The following ANKS1B variants were observed in gnomAD, a reference collection of about 807,000 sequenced individuals.
ANKS1B encodes the protein ankyrin repeat and sterile alpha motif domain containing 1B.
Under a neutral mutation model 148.3 loss-of-function variants are expected in ANKS1B, and 36 were observed. The observed-to-expected ratio is 0.24, with a 90% CI of 0.19 to 0.32. The LOEUF is 0.32. Ranked by LOEUF, ANKS1B falls within the 10% of genes least tolerant of loss-of-function variation. The pLI is 1.00. For missense variants in ANKS1B, 1,157 were observed against 1,542.6 expected, an observed-to-expected ratio of 0.75 and a Z score of 4.19; for synonymous variants, 542 against 560.8, an observed-to-expected ratio of 0.97 and a Z score of 0.47.
intron 14 of ANKS1B, among the ~76,000 whole-genome samples, chr12:99,189,985 A>G (rs188450647): frequency 2.6e-5 from 4 of 152,358 alleles, no homozygotes; most frequent in Non-Finnish European, 4.4e-5. Flanking sequence ...AAGCAACTTC[A>G]GCAAAGTCTC....
intron 8 of ANKS1B, among the ~76,000 whole-genome samples, chr12:99,736,270 GA>G (rs1242780906): frequency 6.6e-6 from 1 of 151,954 alleles, no homozygotes; most frequent in Admixed American, 6.6e-5. Context: ...GCAAGAGAAT[GA>G]AAGAAAAGGC....
chr12:99,893,504 G>A (rs12581497), intron 1 of ANKS1B, among the ~76,000 whole-genome samples: 1 of 151,944 alleles, frequency 6.6e-6, no homozygotes, highest in Non-Finnish European at 1.5e-5. Flanking sequence ...TGAAGCAGTG[G>A]TGAATCAAGT....
chr12:98,937,270 A>G (rs1054483845), intron 17 of ANKS1B, among the ~76,000 whole-genome samples: 6 of 152,208 alleles, frequency 3.9e-5, no homozygotes, highest in African/African-American at 1.4e-4. Flanking sequence ...TATGAAAACC[A>G]TAAACACACA....
chr12:99,638,898 C>T (rs541168297), intron 9 of ANKS1B, among the ~76,000 whole-genome samples: 1 of 152,308 alleles, frequency 6.6e-6, no homozygotes, highest in East Asian at 1.9e-4. Flanking sequence ...CAAGGTACAG[C>T]TCGGGCCATA....
chr12:99,960,838 C>T (rs1437828042), intron 1 of ANKS1B, among the ~76,000 whole-genome samples: 2 of 152,158 alleles, frequency 1.3e-5, no homozygotes, highest in African/African-American at 2.4e-5. Flanking sequence ...AGTGACTTTA[C>T]TATTGGAAAC....
chr12:99,460,475 G>C (rs1447494413), intron 10 of ANKS1B, among the ~76,000 whole-genome samples: 2 of 152,018 alleles, frequency 1.3e-5, no homozygotes, highest in Non-Finnish European at 2.9e-5. Context: ...AGAGTAAACA[G>C]ACAACCCACA....
In ANKS1B at chr12:99,878,187, T is replaced by C. The variant is rs922375844; in HGVS notation, c.135-52798A>G. Among the ~76,000 whole-genome samples, 8 of 152,222 alleles carry C rather than the reference T, an allele frequency of 5.3e-5. 1 individual carries two copies. Among genetic ancestry groups the C allele is most frequent in the East Asian group, 1.9e-4 (1 of 5,196 alleles). On this transcript the variant is annotated intron_variant, in intron 1 of 26. Coordinates refer to ENST00000683438, the MANE Select transcript of ANKS1B (RefSeq NM_001352186.2). Reference sequence around the variant, plus strand: ...AGAGCTGAGAACTCTGTGATTCTCATGGTCGCAAAATACTGTAGCTCCAGA... The same window carrying C: ...AGAGCTGAGAACTCTGTGATTCTCACGGTCGCAAAATACTGTAGCTCCAGA...
At chr12:99,176,059 G>A (rs1388475201) in intron 14 of ANKS1B, among the ~76,000 whole-genome samples, 2 of 152,048 alleles carry the variant, frequency 1.3e-5, no homozygotes, top group Admixed American at 6.5e-5. Flanking sequence ...ATGTTGGCCA[G>A]GCTGGTTTCA....
intron 9 of ANKS1B, among the ~76,000 whole-genome samples, chr12:99,618,579 C>A (rs1227144885): frequency 6.6e-6 from 1 of 152,002 alleles, no homozygotes; most frequent in African/African-American, 2.4e-5. Flanking sequence ...ATGAGTGAAG[C>A]CCCAGTATGT....
chr12:99,934,562 C>T (rs915300474), intron 1 of ANKS1B, among the ~76,000 whole-genome samples: 1 of 152,046 alleles, frequency 6.6e-6, no homozygotes, highest in Admixed American at 6.6e-5. Context: ...TATATAGCTG[C>T]TCACACTAGT....
chr12:98,822,810 T>C (rs1255533147), intron 19 of ANKS1B, among the ~76,000 whole-genome samples: 1 of 152,086 alleles, frequency 6.6e-6, no homozygotes, highest in African/African-American at 2.4e-5. Context: ...AAGAAAACAA[T>C]CTAGACCTGT....
chr12:99,617,775 T>C (rs2097987786), intron 9 of ANKS1B, among the ~76,000 whole-genome samples: 1 of 151,374 alleles, frequency 6.6e-6, no homozygotes, highest in Admixed American at 6.6e-5. Flanking sequence ...CTGCACTTTC[T>C]GCACATGTAT....
At chr12:99,152,391 C>T (rs1348456758) in intron 15 of ANKS1B, among the ~76,000 whole-genome samples, 1 of 151,950 alleles carries the variant, frequency 6.6e-6, no homozygotes, top group Non-Finnish European at 1.5e-5. Context: ...AAAATTATAC[C>T]AAATACTTTG....
intron 4 of ANKS1B, among the ~76,000 whole-genome samples, chr12:99,800,176 T>C (rs2066764360): frequency 6.6e-6 from 1 of 151,990 alleles, no homozygotes; most frequent in Admixed American, 6.6e-5. Flanking sequence ...CCTAATCCAA[T>C]GGAACTGGTG....
intron 1 of ANKS1B, among the ~76,000 whole-genome samples, chr12:99,980,394 A>G (rs991712725): frequency 2.6e-5 from 4 of 152,066 alleles, no homozygotes; most frequent in Admixed American, 6.5e-5. Context: ...GATGAATACT[A>G]TCTTCATTTT....
intron 11 of ANKS1B, among the ~76,000 whole-genome samples, chr12:99,423,039 C>G (rs2095140634): frequency 6.6e-6 from 1 of 152,070 alleles, no homozygotes; most frequent in Non-Finnish European, 1.5e-5. Flanking sequence ...CTTCCAGTTT[C>G]TCTGGAAAGT....
chr12:98,793,630 C>A (rs1348081667), intron 22 of ANKS1B, among the ~76,000 whole-genome samples: 1 of 152,132 alleles, frequency 6.6e-6, no homozygotes, highest in Non-Finnish European at 1.5e-5. Flanking sequence ...CCAAACATTG[C>A]AATAGCAAAA....
At chr12:98,869,201 T>G (rs577605845) in intron 17 of ANKS1B, among the ~76,000 whole-genome samples, 2 of 152,334 alleles carry the variant, frequency 1.3e-5, no homozygotes, top group South Asian at 4.1e-4. Flanking sequence ...CACCATTAAT[T>G]ATACCCCAGT....
intron 11 of ANKS1B, among the ~76,000 whole-genome samples, chr12:99,428,576 G>A (rs1056480095): frequency 6.6e-6 from 1 of 152,188 alleles, no homozygotes; most frequent in African/African-American, 2.4e-5. Context: ...TTCAATATAT[G>A]TTGAGATGGA....
Sources: gnomAD v4.1 joint callset for allele counts (sites outside exome capture counted in the v4.1 genomes callset) on GRCh38, gnomAD v4.1.1 for gene constraint, MANE v1.5 for transcripts, NCBI Gene and HGNC (gene_info 2026-07-23, HGNC 2026-07-21) for gene names.